Variants in SPICE1 observed in about 807,000 individuals in gnomAD.
SPICE1 encodes spindle and centriole associated protein 1.
A neutral mutation model predicts 102.7 loss-of-function variants in SPICE1; 75 were observed. That is an observed-to-expected ratio of 0.73 (90% confidence interval 0.61 to 0.88). SPICE1 has a LOEUF of 0.88. SPICE1 is among the 40% of genes least tolerant of loss of function. The probability of loss-of-function intolerance (pLI) is 0.00; values close to 1 mark genes in which losing one functional copy is unlikely to be tolerated. For synonymous variants in SPICE1, 308 were observed against 350.3 expected (o/e 0.88, Z 1.35); for missense variants, 979 against 1,020.1 (o/e 0.96, Z 0.55).
intron 11 of SPICE1, among the ~76,000 whole-genome samples, chr3:113,464,482 C>T (rs555516516): frequency 8.3e-4 from 127 of 152,184 alleles, no homozygotes; most frequent in African/African-American, 2.8e-3. Context: ...TCTCAAACTC[C>T]TGGCCTCAAG....
rs139683962 is a variant in SPICE1 at position 113,488,069 on chromosome 3, A to T, written c.611+876T>A. On this transcript the variant is annotated intron_variant, in intron 7 of 17. Transcript: ENST00000295872. ...ACATGAAAACTAAATATAATAAGTGATTACGATTAGTTCTTCAATCATCCA... is the reference window on the plus strand; with the variant it reads ...ACATGAAAACTAAATATAATAAGTGTTTACGATTAGTTCTTCAATCATCCA... Among the ~76,000 whole-genome samples the T allele has an allele frequency of 1.4e-4, 21 of 152,330 alleles. No individual in the cohort carries two copies. In the East Asian group the frequency reaches 3.9e-3, roughly 28 times the overall value.
chr3:113,503,315 G>C, intron 2 of SPICE1, 88 bp from the exon 3 acceptor site: 1 of 1,316,888 alleles, frequency 7.6e-7, no homozygotes, highest in South Asian at 1.6e-5. Context: ...GGCTAAAATG[G>C]TTTCAAAATC....
chr3:113,468,133 C>CCTTACCT lies in SPICE1; in HGVS notation c.1154_1155+5dup. On this transcript the variant is annotated splice_donor_region_variant and intron_variant, in intron 10 of 17. Transcript: ENST00000295872. ...AAAGAAGACTCTACTAACCTAATGTCCTTACCTCTTTAAGGTACCGAACCA... is the reference window on the plus strand; with the variant it reads ...AAAGAAGACTCTACTAACCTAATGTCCTTACCTCTTACCTCTTTAAGGTACCGAACCA... The CCTTACCT allele has an allele frequency of 1.9e-6, 3 of 1,613,992 alleles. No individual in the cohort carries two copies. Among genetic ancestry groups the CCTTACCT allele is most frequent in the Non-Finnish European group, 2.5e-6 (3 of 1,179,904 alleles).
At chr3:113,469,769 G>T (rs1201609988) in intron 7 of SPICE1, among the ~76,000 whole-genome samples, 15 of 152,172 alleles carry the variant, frequency 9.9e-5, no homozygotes, top group Non-Finnish European at 4.4e-5. Context: ...TACCTACCTT[G>T]GTCCCTAACA....
rs550129628 is a variant in SPICE1 at position 113,450,435 on chromosome 3, G to A, written c.2224C>T (p.Arg742Cys). The change falls in exon 15 of 18, where the codon CGT (arginine) becomes TGT (cysteine). Residue 742 changes from arginine (R) to cysteine (C), a missense_variant. Arg to Cys is a radical substitution (Grantham distance 180). Coordinates refer to ENST00000295872, the MANE Select transcript of SPICE1 (RefSeq NM_144718.4). ...TCTATCAACTGCAGTAGTTTTCCAC[G>A]AGCCTCCATACTTTGTCGATTCAAT... is the stretch of plus-strand genomic sequence containing the variant. Reference protein sequence around the residue: ...AELNRQSMEARGKLLQLIEQQ... With the variant: ...AELNRQSMEACGKLLQLIEQQ... The A allele has an allele frequency of 3.8e-5, 61 of 1,613,526 alleles. No homozygotes were observed. The highest frequency in any genetic ancestry group is 3.7e-4 in the South Asian group (34 of 91,052).
At chr3:113,500,417 T>G (rs1420283165) in intron 3 of SPICE1, among the ~76,000 whole-genome samples, 1 of 152,186 alleles carries the variant, frequency 6.6e-6, no homozygotes, top group Non-Finnish European at 1.5e-5. Flanking sequence ...ATGACATTTT[T>G]TAGACAACTG....
chr3:113,503,533 T>A (rs1937049560), intron 2 of SPICE1, among the ~76,000 whole-genome samples: 1 of 152,072 alleles, frequency 6.6e-6, no homozygotes, highest in African/African-American at 2.4e-5. Context: ...GAATAAATGG[T>A]AGTATATATT....
chr3:113,461,144 T>C (rs1559960362), intron 11 of SPICE1, among the ~76,000 whole-genome samples: 1 of 151,438 alleles, frequency 6.6e-6, no homozygotes, highest in African/African-American at 2.4e-5. Context: ...ATACATGAGG[T>C]GGAGGAAACA....
chr3:113,471,241 T>TGA (rs1391373836), intron 7 of SPICE1, among the ~76,000 whole-genome samples: 1 of 152,168 alleles, frequency 6.6e-6, no homozygotes, highest in African/African-American at 2.4e-5. Flanking sequence ...TCAGATACAA[T>TGA]TTAGAATCTT....
At chr3:113,474,652 C>T (rs1936293557) in intron 7 of SPICE1, among the ~76,000 whole-genome samples, 1 of 152,186 alleles carries the variant, frequency 6.6e-6, no homozygotes, top group African/African-American at 2.4e-5. Flanking sequence ...AACCGCTCAA[C>T]TACGTGGAAA....
chr3:113,466,061 C>T (rs545554682), intron 10 of SPICE1, among the ~76,000 whole-genome samples: 2 of 152,186 alleles, frequency 1.3e-5, no homozygotes, highest in African/African-American at 4.8e-5. Flanking sequence ...TATACATATA[C>T]ATATTATTTG....
In SPICE1 at chr3:113,443,771, C is replaced by T. The variant is rs1161890160; in HGVS notation, c.*1536G>A. The T allele has an allele frequency of 2.0e-5, 3 of 152,216 alleles. No homozygotes were observed. The highest frequency in any genetic ancestry group is 2.9e-5 in the Non-Finnish European group (2 of 68,044). 9.4% of individuals were successfully genotyped at this position (152,216 alleles called of 1,614,324 possible). A position where few individuals can be genotyped will look rare whatever the true frequency, so the allele number is the denominator to read the frequency against. On this transcript the variant is annotated 3_prime_UTR_variant, in exon 18 of 18. Transcript: ENST00000295872. ...GACCTTGAGAAAATACCTCCTTGTACCTCAGTTTCCTCATCTGCAAAATGA... is the reference window on the plus strand; with the variant it reads ...GACCTTGAGAAAATACCTCCTTGTATCTCAGTTTCCTCATCTGCAAAATGA...
rs548671286 is a variant in SPICE1 at position 113,483,453 on chromosome 3, G to T, written c.611+5492C>A. On this transcript the variant is annotated intron_variant, in intron 7 of 17. Transcript: ENST00000295872. ...ACTTCCAATACTATGTTGAATAGGA[G>T]TTGTGAGAGAGGGCATCCTTGCCTT... 5.3e-5 allele frequency among the ~76,000 whole-genome samples: 8 copies of T among 152,236 alleles called. No individual in the cohort carries two copies. The East Asian group carries it at 1.5e-3, about 29-fold the overall frequency.
At chr3:113,512,405 CTTTT>C (rs34015506) in intron 1 of SPICE1, among the ~76,000 whole-genome samples, 50 of 104,382 alleles carry the variant, frequency 4.8e-4, no homozygotes, top group Middle Eastern at 6.5e-3. Flanking sequence ...GAAAAGCTTT[CTTTT>C]TTTTTTTTTT....
intron 14 of SPICE1, among the ~76,000 whole-genome samples, chr3:113,452,970 T>C (rs1935691713): frequency 6.6e-6 from 1 of 151,930 alleles, no homozygotes; most frequent in Non-Finnish European, 1.5e-5. Flanking sequence ...AGAGCAAGAC[T>C]CCGTCTCAAA....
intron 3 of SPICE1, among the ~76,000 whole-genome samples, chr3:113,500,293 C>T (rs1055885157): frequency 6.6e-6 from 1 of 152,018 alleles, no homozygotes; most frequent in Admixed American, 6.6e-5. Context: ...TGAACATGAA[C>T]ATATATGATA....
chr3:113,466,974 G>T (rs571652323), intron 10 of SPICE1, among the ~76,000 whole-genome samples: 1 of 151,484 alleles, frequency 6.6e-6, no homozygotes, highest in Non-Finnish European at 1.5e-5. Flanking sequence ...ACTTAAACCC[G>T]GGAGGTGGAG....
chr3:113,486,210 CAT>C (rs60309507), intron 7 of SPICE1, among the ~76,000 whole-genome samples: 4,220 of 140,758 alleles, frequency 0.03, 96 homozygotes, highest in East Asian at 0.099. Context: ...TGACCATTCT[CAT>C]ATATATATAT....
chr3:113,497,633 T>A (rs1936919890), intron 4 of SPICE1, among the ~76,000 whole-genome samples: 2 of 150,154 alleles, frequency 1.3e-5, no homozygotes, highest in African/African-American at 4.9e-5. Context: ...TAAATCTGAA[T>A]CTCTGGGTAT....
Sources: gnomAD v4.1 joint callset for allele counts (sites outside exome capture counted in the v4.1 genomes callset) on GRCh38, gnomAD v4.1.1 for gene constraint, MANE v1.5 for transcripts, NCBI Gene and HGNC (gene_info 2026-07-23, HGNC 2026-07-21) for gene names.